ZNF804B: variants seen among roughly 807,000 people sequenced by gnomAD.
The protein encoded by ZNF804B is zinc finger 804B.
A neutral mutation model predicts 101.4 loss-of-function variants in ZNF804B; 80 were observed. The ratio of observed to expected loss-of-function variants is 0.79; its 90% CI spans 0.66 to 0.95. The LOEUF is 0.95. Among genes scored for constraint, ZNF804B ranks in the 40% least tolerant of loss-of-function variants. The probability of loss-of-function intolerance (pLI) is 0.00; values close to 1 mark genes in which losing one functional copy is unlikely to be tolerated. For synonymous variants in ZNF804B, 622 were observed against 558.8 expected (o/e 1.11, Z -1.59); for missense variants, 1,673 against 1,561.9 (o/e 1.07, Z -1.20).
At chr7:89,290,124 C>A (rs1584107568) in intron 2 of ZNF804B, among the ~76,000 whole-genome samples, 1 of 151,956 alleles carries the variant, frequency 6.6e-6, no homozygotes, top group African/African-American at 2.4e-5. Context: ...AGAAGGAAAT[C>A]TGCTGCCTTG....
chr7:89,065,387 T>C (rs1051079467), intron 1 of ZNF804B, among the ~76,000 whole-genome samples: 1 of 152,152 alleles, frequency 6.6e-6, no homozygotes, highest in African/African-American at 2.4e-5. Flanking sequence ...TCTCACCCTA[T>C]CTCTCAGCCC....
chr7:88,875,818 G>A (rs965724451), intron 1 of ZNF804B, among the ~76,000 whole-genome samples: 5 of 152,192 alleles, frequency 3.3e-5, no homozygotes, highest in East Asian at 1.9e-4. Flanking sequence ...TATGAGGCCA[G>A]CATCGTCCTG....
At chr7:88,833,149 T>C (rs1791157876) in intron 1 of ZNF804B, among the ~76,000 whole-genome samples, 2 of 143,324 alleles carry the variant, frequency 1.4e-5, no homozygotes, top group Non-Finnish European at 1.5e-5. Flanking sequence ...CTTTCTGCTT[T>C]TTTTTTTTGC....
intron 2 of ZNF804B, among the ~76,000 whole-genome samples, chr7:89,255,127 G>T (rs187270309): frequency 6.6e-6 from 1 of 152,302 alleles, no homozygotes; most frequent in East Asian, 1.9e-4. Context: ...AGTCATGGAG[G>T]AAGGAAGAGG....
intron 1 of ZNF804B, among the ~76,000 whole-genome samples, chr7:88,824,817 G>A (rs544733713): frequency 6.6e-6 from 1 of 152,294 alleles, no homozygotes; most frequent in South Asian, 2.1e-4. Flanking sequence ...TAAGTGTGGA[G>A]TAGGCAGACA....
intron 1 of ZNF804B, among the ~76,000 whole-genome samples, chr7:88,833,277 A>T (rs1014285452): frequency 6.6e-6 from 1 of 151,796 alleles, no homozygotes; most frequent in African/African-American, 2.4e-5. Flanking sequence ...ACTTCAGAAT[A>T]TTTGAGGATG....
At chr7:88,905,561 G>C (rs1253801799) in intron 1 of ZNF804B, among the ~76,000 whole-genome samples, 1 of 152,062 alleles carries the variant, frequency 6.6e-6, no homozygotes, top group Non-Finnish European at 1.5e-5. Context: ...GTTTCACCAT[G>C]TTGGCCAGGC....
intron 1 of ZNF804B, among the ~76,000 whole-genome samples, chr7:88,867,808 A>G (rs1335682409): frequency 6.6e-6 from 1 of 152,332 alleles, no homozygotes; most frequent in South Asian, 2.1e-4. Flanking sequence ...ACCATATGAG[A>G]CAGTTGCTAT....
intron 1 of ZNF804B, among the ~76,000 whole-genome samples, chr7:88,885,845 G>A (rs28689952): frequency 0.014 from 2,060 of 151,730 alleles, 36 homozygotes; most frequent in African/African-American, 0.031. Context: ...TACATTGTGT[G>A]CAATAAAATA....
chr7:88,776,111 T>C (rs537290904), intron 1 of ZNF804B, among the ~76,000 whole-genome samples: 23 of 152,336 alleles, frequency 1.5e-4, no homozygotes, highest in Non-Finnish European at 2.5e-4. Context: ...ACTTGTCTTA[T>C]AGGGCCTTTG....
chr7:88,873,417 G>A (rs553223223), intron 1 of ZNF804B, among the ~76,000 whole-genome samples: 1 of 152,220 alleles, frequency 6.6e-6, no homozygotes, highest in African/African-American at 2.4e-5. Flanking sequence ...CATTCTGTAG[G>A]TTGCCTGTTC....
chr7:89,151,739 C>A (rs1039427603), intron 1 of ZNF804B, among the ~76,000 whole-genome samples: 3 of 151,984 alleles, frequency 2.0e-5, no homozygotes, highest in Admixed American at 1.3e-4. Flanking sequence ...AGTGGCACAG[C>A]CCCATAAGCC....
At chr7:88,873,268 A>C (rs1047076933) in intron 1 of ZNF804B, among the ~76,000 whole-genome samples, 242 of 152,136 alleles carry the variant, frequency 1.6e-3, no homozygotes, top group Non-Finnish European at 2.7e-3. Flanking sequence ...TAAATGTCTT[A>C]TTTTGAGAAG....
intron 1 of ZNF804B, among the ~76,000 whole-genome samples, chr7:88,911,894 T>C (rs1405071720): frequency 6.6e-6 from 1 of 151,904 alleles, no homozygotes; most frequent in Non-Finnish European, 1.5e-5. Context: ...GTTATATGTG[T>C]ATATCTAGTA....
At chr7:89,009,306 C>T (rs557913881) in intron 1 of ZNF804B, among the ~76,000 whole-genome samples, 1 of 152,084 alleles carries the variant, frequency 6.6e-6, no homozygotes, top group Non-Finnish European at 1.5e-5. Context: ...ATATGTGATC[C>T]ATAGTCATAA....
At chr7:89,320,294 A>T (rs1474657204) in intron 2 of ZNF804B, among the ~76,000 whole-genome samples, 5 of 152,168 alleles carry the variant, frequency 3.3e-5, no homozygotes, top group Admixed American at 3.3e-4. Flanking sequence ...AAAAGTAATG[A>T]TATACAACAA....
At chr7:89,152,572 T>G (rs1230532642) in intron 1 of ZNF804B, among the ~76,000 whole-genome samples, 2 of 152,162 alleles carry the variant, frequency 1.3e-5, no homozygotes, top group Non-Finnish European at 2.9e-5. Context: ...TATTATGATC[T>G]TTATGTTTCA....
chr7:88,899,452 C>G (rs1528928), intron 1 of ZNF804B, among the ~76,000 whole-genome samples: 67,249 of 151,820 alleles, frequency 0.44, 16,553 homozygotes, highest in African/African-American at 0.66. Flanking sequence ...CACCTTGTCA[C>G]TGTATCACCC....
At chr7:89,051,252 T>G (rs921464289) in intron 1 of ZNF804B, among the ~76,000 whole-genome samples, 1 of 152,172 alleles carries the variant, frequency 6.6e-6, no homozygotes, top group Non-Finnish European at 1.5e-5. Flanking sequence ...CTACTATAAA[T>G]TTTTAAGTAG....
Sources: allele counts gnomAD v4.1 joint callset (sites outside exome capture counted in the v4.1 genomes callset), GRCh38; gene constraint gnomAD v4.1.1; transcripts MANE v1.5; gene names NCBI Gene and HGNC (gene_info 2026-07-23, HGNC 2026-07-21).